ZBTB20: variants seen among roughly 807,000 people sequenced by gnomAD.
ZBTB20 encodes the protein zinc finger and BTB domain containing 20, also known as zinc finger and BTB domain-containing protein 20.
Under a neutral mutation model 56.9 loss-of-function variants are expected in ZBTB20, and 9 were observed. The ratio of observed to expected loss-of-function variants is 0.16; its 90% CI spans 0.10 to 0.28. The LOEUF (loss-of-function observed/expected upper bound fraction) is 0.28. Ranked by LOEUF, ZBTB20 falls within the 10% of genes least tolerant of loss-of-function variation. ZBTB20 has a pLI of 1.00. For missense variants in ZBTB20, 655 were observed against 1,003.0 expected (o/e 0.65, Z 4.69); for synonymous variants, 417 against 420.7 (o/e 0.99, Z 0.11).
intron 6 of ZBTB20, among the ~76,000 whole-genome samples, chr3:114,681,199 A>T (rs946871687): frequency 1.3e-5 from 2 of 148,434 alleles, no homozygotes; most frequent in Non-Finnish European, 3.0e-5. Context: ...TCACTCCGTA[A>T]CCCAGATTGC....
chr3:114,674,308 C>T (rs568038479), intron 6 of ZBTB20, among the ~76,000 whole-genome samples: 19 of 152,256 alleles, frequency 1.2e-4, no homozygotes, highest in African/African-American at 4.3e-4. Flanking sequence ...TTCTAACAAT[C>T]GGGCAAGAAA....
At chr3:114,427,526 T>C (rs1343508397) in intron 7 of ZBTB20, among the ~76,000 whole-genome samples, 1 of 152,186 alleles carries the variant, frequency 6.6e-6, no homozygotes, top group Non-Finnish European at 1.5e-5. Flanking sequence ...CTTAATGGAT[T>C]AATTAAGCCA....
chr3:114,657,768 G>T (rs1345071168), intron 6 of ZBTB20, among the ~76,000 whole-genome samples: 1 of 151,874 alleles, frequency 6.6e-6, no homozygotes, highest in Non-Finnish European at 1.5e-5. Context: ...ACTGCTTTTG[G>T]TCACTCTCCG....
chr3:114,473,974 G>C (rs1385640524), intron 7 of ZBTB20, among the ~76,000 whole-genome samples: 2 of 152,224 alleles, frequency 1.3e-5, no homozygotes, highest in Non-Finnish European at 2.9e-5. Flanking sequence ...TGGCTGGAGA[G>C]GCCTCACAAT....
chr3:114,853,218 G>T (rs1263280270), intron 4 of ZBTB20, among the ~76,000 whole-genome samples: 1 of 152,092 alleles, frequency 6.6e-6, no homozygotes, highest in Non-Finnish European at 1.5e-5. Context: ...CAACCCTTCT[G>T]CAGACCACCT....
chr3:115,045,652 CTT>C (rs1026271194), intron 2 of ZBTB20, among the ~76,000 whole-genome samples: 2 of 151,372 alleles, frequency 1.3e-5, no homozygotes, highest in African/African-American at 4.8e-5. Context: ...ACATGGAAGA[CTT>C]TTATAATAGG....
intron 4 of ZBTB20, among the ~76,000 whole-genome samples, chr3:114,858,647 C>T (rs1484266225): frequency 2.0e-5 from 3 of 151,890 alleles, no homozygotes; most frequent in African/African-American, 7.3e-5. Flanking sequence ...ATTTGAGCTC[C>T]GTGCAGTGCA....
intron 10 of ZBTB20, among the ~76,000 whole-genome samples, chr3:114,368,293 T>TG (rs2082638626): frequency 2.0e-5 from 3 of 152,148 alleles, no homozygotes; most frequent in Admixed American, 2.0e-4. Flanking sequence ...AAGTAGACCA[T>TG]GGGGGTGAGA....
In ZBTB20 at chr3:114,315,968, G is replaced by C. The variant is rs186317954; in HGVS notation, c.*23037C>G. On this transcript the variant is annotated 3_prime_UTR_variant, in exon 12 of 12. Coordinates refer to ENST00000675478, the MANE Select transcript of ZBTB20 (RefSeq NM_001348800.3). ...TTCAAAAAAGGTTTTTTGTTTTTTT[G>C]TTTTTTTTTTCAGTTTTTATTTCAA... The C allele has an allele frequency of 6.7e-6, 1 of 148,378 alleles. No homozygotes were observed. Among genetic ancestry groups the C allele is most frequent in the African/African-American group, 2.5e-5 (1 of 40,042 alleles). The allele number at this position is 148,378 out of a possible 1,614,324, so 9.2% of individuals were successfully genotyped here. A position where few individuals can be genotyped will look rare whatever the true frequency, so the allele number is the denominator to read the frequency against.
intron 11 of ZBTB20, among the ~76,000 whole-genome samples, chr3:114,345,205 T>A (rs56914266): frequency 6.6e-6 from 1 of 152,244 alleles, no homozygotes; most frequent in African/African-American, 2.4e-5. Context: ...TTTCGGTGAA[T>A]GTGCACATTG....
intron 5 of ZBTB20, among the ~76,000 whole-genome samples, chr3:114,786,142 CT>C (rs1055466619): frequency 2.6e-5 from 4 of 151,066 alleles, no homozygotes; most frequent in African/African-American, 9.7e-5. Flanking sequence ...CTTTTTTTTT[CT>C]TTTTTAATTA....
At chr3:114,399,090 G>A (rs1380780518) in intron 7 of ZBTB20, among the ~76,000 whole-genome samples, 1 of 152,072 alleles carries the variant, frequency 6.6e-6, no homozygotes, top group East Asian at 1.9e-4. Flanking sequence ...TCTGAAGTTG[G>A]GACTCAGCAG....
chr3:114,674,488 G>T (rs1464820016), intron 6 of ZBTB20, among the ~76,000 whole-genome samples: 2 of 152,122 alleles, frequency 1.3e-5, no homozygotes, highest in African/African-American at 4.8e-5. Flanking sequence ...ACAAGGGGAG[G>T]AATGAGCATG....
At chr3:114,434,164 G>T (rs1576741632) in intron 7 of ZBTB20, among the ~76,000 whole-genome samples, 1 of 151,986 alleles carries the variant, frequency 6.6e-6, no homozygotes, top group African/African-American at 2.4e-5. Flanking sequence ...AAAAAGTTCA[G>T]TTTTTTACCC....
intron 1 of ZBTB20, among the ~76,000 whole-genome samples, chr3:115,094,310 A>T (rs1236843790): frequency 6.6e-6 from 1 of 152,016 alleles, no homozygotes; most frequent in Admixed American, 6.6e-5. Context: ...TGTGTCCAGT[A>T]TTTAAGAAGA....
chr3:115,008,867 T>C (rs547285220), intron 2 of ZBTB20, among the ~76,000 whole-genome samples: 1 of 152,074 alleles, frequency 6.6e-6, no homozygotes, highest in Non-Finnish European at 1.5e-5. Flanking sequence ...AAGTGAGAGT[T>C]CTTTCTCAGC....
chr3:114,401,317 T>C (rs1248701242), intron 7 of ZBTB20, among the ~76,000 whole-genome samples: 1 of 152,170 alleles, frequency 6.6e-6, no homozygotes, highest in East Asian at 1.9e-4. Context: ...TATTTGAAAG[T>C]ATCCCAATCC....
chr3:114,925,563 T>C (rs943254481), intron 3 of ZBTB20, among the ~76,000 whole-genome samples: 2 of 152,130 alleles, frequency 1.3e-5, no homozygotes, highest in Non-Finnish European at 2.9e-5. Flanking sequence ...AGTCTTGCTC[T>C]GTTGCCAGGC....
At chr3:114,744,180 A>G (rs949260943) in intron 5 of ZBTB20, among the ~76,000 whole-genome samples, 6 of 152,312 alleles carry the variant, frequency 3.9e-5, no homozygotes, top group Non-Finnish European at 4.4e-5. Context: ...ATTGACTTCT[A>G]TACTTCTGGG....
Sources: gnomAD v4.1 joint callset for allele counts (sites outside exome capture counted in the v4.1 genomes callset) on GRCh38, gnomAD v4.1.1 for gene constraint, MANE v1.5 for transcripts, NCBI Gene and HGNC (gene_info 2026-07-23, HGNC 2026-07-21) for gene names.